Variants in GRM5 observed in about 807,000 individuals in gnomAD.
GRM5 encodes metabotropic glutamate receptor 5.
GRM5 carries 19 observed loss-of-function variants against 83.1 expected under a neutral mutation model. The ratio of observed to expected loss-of-function variants is 0.23; its 90% CI spans 0.16 to 0.34. GRM5 has a LOEUF of 0.34. Ranked by LOEUF, GRM5 falls within the 10% of genes least tolerant of loss-of-function variation. GRM5 has a pLI of 1.00. For synonymous variants in GRM5, 675 were observed against 633.6 expected, an observed-to-expected ratio of 1.07 and a Z score of -0.98; for missense variants, 1,160 against 1,588.3, an observed-to-expected ratio of 0.73 and a Z score of 4.58.
In GRM5 at chr11:88,854,065, T is replaced by TATATAC. The variant is rs981760263; in HGVS notation, c.662-3911_662-3910insGTATAT. ...TGAATTAAAAAATGTGGTGTATATA[T>TATATAC]ATATATATATATACACAATGAAATA... On this transcript the variant is annotated intron_variant, in intron 2 of 9. Coordinates refer to ENST00000305447, the MANE Select transcript of GRM5 (RefSeq NM_001143831.3). 4.6e-4 allele frequency among the ~76,000 whole-genome samples: 69 copies of TATATAC among 148,506 alleles called. 3 individuals are homozygous for TATATAC. Among genetic ancestry groups the TATATAC allele is most frequent in the African/African-American group, 1.3e-3 (53 of 40,272 alleles).
At chr11:88,644,391 A>G (rs969778652) in intron 4 of GRM5, among the ~76,000 whole-genome samples, 2 of 152,196 alleles carry the variant, frequency 1.3e-5, no homozygotes, top group Non-Finnish European at 2.9e-5. Context: ...CTTATATTCA[A>G]GGCATTGGGA....
chr11:88,543,208 G>A (rs977074375), intron 8 of GRM5, among the ~76,000 whole-genome samples: 2 of 152,204 alleles, frequency 1.3e-5, no homozygotes, highest in Non-Finnish European at 2.9e-5. Flanking sequence ...ACAACTATTT[G>A]TTAACTGCAT....
intron 2 of GRM5, among the ~76,000 whole-genome samples, chr11:88,882,248 G>GTAAGTAAATAAATAAATAAATAAA (rs1555033917): frequency 2.8e-5 from 4 of 143,924 alleles, no homozygotes; most frequent in African/African-American, 1.0e-4. Context: ...AAATAAGTAA[G>GTAAGTAAATAAATAAATAAATAAA]TAAATAAATA....
chr11:88,733,075 T>A (rs1044151195), intron 3 of GRM5, among the ~76,000 whole-genome samples: 2 of 152,048 alleles, frequency 1.3e-5, no homozygotes, highest in African/African-American at 4.8e-5. Context: ...TATTTAATTA[T>A]AACAGCAAAT....
Position 89,047,730 on chromosome 11 carries a change from G to A in GRM5, c.143C>T (p.Thr48Ile). The A allele has an allele frequency of 6.2e-7, 1 of 1,614,102 alleles. No individual in the cohort carries two copies. Among genetic ancestry groups the A allele is most frequent in the Non-Finnish European group, 8.5e-7 (1 of 1,180,026 alleles). ...GALFSVHHQP[T>I]VDKVHERKCG... ...CTTCCTCTCATGAACTTTGTCCACA[G>A]TAGGCTGGTGATGAACAGAAAAGAG... is the stretch of plus-strand genomic sequence containing the variant. Residue 48 changes from threonine to isoleucine, a missense_variant, in exon 2 of 10, where the codon ACT (threonine) becomes ATT (isoleucine). Thr to Ile is a moderately conservative substitution (Grantham distance 89). This residue lies in a region of GRM5 where 71 missense variants were observed against 145.8 expected (regional missense o/e 0.49). Transcript: ENST00000305447. The surrounding 1 kb of genome is among the most constrained non-coding windows in gnomAD (Gnocchi z 5.1).
chr11:88,612,222 G>T (rs1362312493), intron 4 of GRM5, among the ~76,000 whole-genome samples: 2 of 147,052 alleles, frequency 1.4e-5, no homozygotes, highest in East Asian at 2.0e-4. Flanking sequence ...GTGGTGTTTG[G>T]TTTTTTGTTC....
At chr11:88,785,829 T>C (rs1943058107) in intron 3 of GRM5, among the ~76,000 whole-genome samples, 1 of 152,110 alleles carries the variant, frequency 6.6e-6, no homozygotes, top group South Asian at 2.1e-4. Context: ...CTATGCACCA[T>C]TTATCTTCAG....
intron 3 of GRM5, among the ~76,000 whole-genome samples, chr11:88,796,846 C>G (rs1254109075): frequency 2.0e-5 from 3 of 150,822 alleles, no homozygotes; most frequent in African/African-American, 7.3e-5. Context: ...GAAACAGGTG[C>G]CTGTATTTCT....
At position 88,839,759 on chromosome 11, in the gene GRM5, T is replaced by C. The variant is rs1254184692; in HGVS notation, c.911+10147A>G. Among the ~76,000 whole-genome samples, 5 of 152,334 alleles carry C rather than the reference T, an allele frequency of 3.3e-5. No individual in the cohort carries two copies. In the East Asian group the frequency reaches 7.7e-4, roughly 23 times the overall value. On this transcript the variant is annotated intron_variant, in intron 3 of 9. Transcript: ENST00000305447. ...CAGTCAAATATCTATATATAACTTT[T>C]GACTCTCCTAAATCTTAACTACTAA... is the stretch of plus-strand genomic sequence containing the variant.
intron 2 of GRM5, among the ~76,000 whole-genome samples, chr11:88,907,559 T>G (rs316089): frequency 0.5 from 76,359 of 152,078 alleles, 20,369 homozygotes; most frequent in South Asian, 0.66. Flanking sequence ...TGTCACAATT[T>G]CTCTGCAGCA....
At chr11:88,657,657 A>G (rs1223346936) in intron 3 of GRM5, among the ~76,000 whole-genome samples, 1 of 152,170 alleles carries the variant, frequency 6.6e-6, no homozygotes, top group African/African-American at 2.4e-5. Context: ...TCTCATAAAG[A>G]GAAACTCATG....
At chr11:89,065,311 CAG>C (rs758595011) in intron 1 of GRM5, among the ~76,000 whole-genome samples, 56,482 of 144,138 alleles carry the variant, frequency 0.39, 11,787 homozygotes, top group South Asian at 0.52. Context: ...CACACACACA[CAG>C]ACAGAGGGAG....
At chr11:89,016,400 A>G (rs1011069399) in intron 2 of GRM5, among the ~76,000 whole-genome samples, 4 of 151,802 alleles carry the variant, frequency 2.6e-5, no homozygotes, top group Non-Finnish European at 5.9e-5. Flanking sequence ...AGTAATTTTT[A>G]TGCTGACATG....
chr11:88,689,802 T>G (rs1940734406), intron 3 of GRM5, among the ~76,000 whole-genome samples: 1 of 152,186 alleles, frequency 6.6e-6, no homozygotes, highest in Non-Finnish European at 1.5e-5. Context: ...AGTCAGAGGC[T>G]TGGCTGTGGA....
chr11:88,760,649 C>T (rs1043307640), intron 3 of GRM5, among the ~76,000 whole-genome samples: 4 of 152,090 alleles, frequency 2.6e-5, no homozygotes, highest in Non-Finnish European at 4.4e-5. Context: ...GAGCTGGTAT[C>T]ATTTCTGCTG....
chr11:88,525,357 A>G lies in GRM5; in HGVS notation c.2678T>C (p.Phe893Ser). Residue 893 changes from phenylalanine to serine, a missense_variant, in exon 9 of 10, where the codon TTC becomes TCC. Transcript: ENST00000305447. ...LAQHKSEIEC[F>S]TPKGSMGNGG... ...ATTCCCCATACTCCCTTTGGGGGTG[A>G]AACACTCTATTTCCGACTTGTGCTG... is the stretch of plus-strand genomic sequence containing the variant. The G allele has an allele frequency of 6.2e-7, 1 of 1,612,824 alleles. No individual in the cohort carries two copies. The highest frequency in any genetic ancestry group is 8.5e-7 in the Non-Finnish European group (1 of 1,178,920).
At chr11:88,835,387 T>C (rs1473547411) in intron 3 of GRM5, among the ~76,000 whole-genome samples, 1 of 152,238 alleles carries the variant, frequency 6.6e-6, no homozygotes, top group African/African-American at 2.4e-5. Flanking sequence ...TCAATTCTGA[T>C]ATTCGGCTGG....
intron 4 of GRM5, among the ~76,000 whole-genome samples, chr11:88,638,224 G>A (rs1267655715): frequency 6.6e-6 from 1 of 151,062 alleles, no homozygotes; most frequent in Non-Finnish European, 1.5e-5. Flanking sequence ...GTTAATGGGT[G>A]CAGCACACCA....
At chr11:88,916,158 T>C (rs1219930848) in intron 2 of GRM5, among the ~76,000 whole-genome samples, 4 of 152,104 alleles carry the variant, frequency 2.6e-5, no homozygotes, top group South Asian at 2.1e-4. Flanking sequence ...GAACACCAAA[T>C]TGAACAACTG....
Sources: gnomAD v4.1 joint callset for allele counts (sites outside exome capture counted in the v4.1 genomes callset) on GRCh38, gnomAD v4.1.1 for gene constraint, gnomAD v4.1.1 regional missense constraint, Gnocchi (gnomAD v3.1) non-coding constraint, MANE v1.5 for transcripts, NCBI Gene and HGNC (gene_info 2026-07-23, HGNC 2026-07-21) for gene names.